The following MOSMO variants were observed in gnomAD, a reference collection of about 807,000 sequenced individuals.
MOSMO encodes the protein modulator of smoothened protein.
In MOSMO, 5 loss-of-function variants were observed where a neutral mutation model predicts 18.4. The observed-to-expected ratio is 0.27, with a 90% CI of 0.14 to 0.57. The LOEUF (loss-of-function observed/expected upper bound fraction) is 0.57, where lower values mean the gene tolerates loss of function less well. Ranked by LOEUF, MOSMO falls within the 20% of genes least tolerant of loss-of-function variation. MOSMO has a pLI of 0.92. For synonymous variants in MOSMO, 82 were observed against 82.3 expected (o/e 1.00, Z 0.02); for missense variants, 138 against 211.8 (o/e 0.65, Z 2.16).
intron 1 of MOSMO, among the ~76,000 whole-genome samples, chr16:22,048,755 C>CA (rs1296217628): frequency 4.6e-5 from 7 of 151,880 alleles, no homozygotes; most frequent in Non-Finnish European, 1.0e-4. Context: ...TTTTGTGGAT[C>CA]AGTTTTTTTC....
At chr16:22,019,021 T>C (rs1344929560) in intron 1 of MOSMO, among the ~76,000 whole-genome samples, 5 of 152,242 alleles carry the variant, frequency 3.3e-5, no homozygotes, top group African/African-American at 4.8e-5. Context: ...CATGTGTTAA[T>C]TGATCCCCAC....
intron 1 of MOSMO, among the ~76,000 whole-genome samples, chr16:22,036,689 C>T (rs983902203): frequency 6.6e-6 from 1 of 152,094 alleles, no homozygotes; most frequent in African/African-American, 2.4e-5. Context: ...TCAAGGTATT[C>T]CCCCACCCCC....
chr16:22,056,506 G>A (rs559391992), intron 1 of MOSMO, among the ~76,000 whole-genome samples: 1 of 150,066 alleles, frequency 6.7e-6, no homozygotes, highest in South Asian at 2.1e-4. Context: ...GAGTAGCTGG[G>A]ATTACAGGCA....
intron 1 of MOSMO, among the ~76,000 whole-genome samples, chr16:22,021,586 C>T (rs1899763501): frequency 6.6e-6 from 1 of 152,022 alleles, no homozygotes; most frequent in Non-Finnish European, 1.5e-5. Context: ...CGCTTGAGCT[C>T]AAGGAGTTCG....
intron 1 of MOSMO, among the ~76,000 whole-genome samples, chr16:22,014,667 C>T (rs1029263231): frequency 6.6e-6 from 1 of 152,142 alleles, no homozygotes; most frequent in Non-Finnish European, 1.5e-5. Context: ...ATGATTAAAT[C>T]ATTAGTCCTT....
chr16:22,022,059 T>C (rs1466298052), intron 1 of MOSMO, among the ~76,000 whole-genome samples: 1 of 152,188 alleles, frequency 6.6e-6, no homozygotes, highest in Admixed American at 6.5e-5. Flanking sequence ...TAATCTCTTA[T>C]CACATTTGAT....
intron 1 of MOSMO, among the ~76,000 whole-genome samples, chr16:22,061,108 T>G (rs1900636693): frequency 6.6e-6 from 1 of 152,188 alleles, no homozygotes; most frequent in Non-Finnish European, 1.5e-5. Flanking sequence ...AAAACTACAC[T>G]GTTAGAATGT....
intron 1 of MOSMO, among the ~76,000 whole-genome samples, chr16:22,070,982 C>T (rs954875725): frequency 6.6e-6 from 1 of 152,120 alleles, no homozygotes; most frequent in East Asian, 1.9e-4. Flanking sequence ...CATGAAACTC[C>T]GTAATTTCAG....
chr16:22,023,767 C>T (rs1477196053), intron 1 of MOSMO, among the ~76,000 whole-genome samples: 1 of 151,892 alleles, frequency 6.6e-6, no homozygotes, highest in Non-Finnish European at 1.5e-5. Flanking sequence ...GTGCTCAGCT[C>T]CTGTTTCTCT....
downstream of MOSMO, among the ~76,000 whole-genome samples, chr16:22,089,451 AG>A (rs1901250123): frequency 6.6e-6 from 1 of 152,174 alleles, no homozygotes; most frequent in Non-Finnish European, 1.5e-5. Context: ...TCAGGATTCC[AG>A]CACCCAGGGA....
intron 1 of MOSMO, among the ~76,000 whole-genome samples, chr16:22,074,518 G>A (rs1900925212): frequency 6.6e-6 from 1 of 152,144 alleles, no homozygotes; most frequent in East Asian, 1.9e-4. Flanking sequence ...ATTTGCCATT[G>A]CTCTTGGAAG....
At chr16:22,008,831 G>A (rs1434003917) in intron 1 of MOSMO, among the ~76,000 whole-genome samples, 2 of 152,182 alleles carry the variant, frequency 1.3e-5, no homozygotes, top group African/African-American at 4.8e-5. Flanking sequence ...GGAGAGGCTA[G>A]GGCTGAGAGT....
chr16:22,072,894 T>C (rs1356711778), intron 1 of MOSMO, among the ~76,000 whole-genome samples: 1 of 152,128 alleles, frequency 6.6e-6, no homozygotes, highest in South Asian at 2.1e-4. Context: ...TCTTCTAGAA[T>C]AGAGCTGCTA....
At chr16:22,038,095 A>G (rs988496257) in intron 1 of MOSMO, among the ~76,000 whole-genome samples, 2 of 152,242 alleles carry the variant, frequency 1.3e-5, no homozygotes, top group African/African-American at 2.4e-5. Context: ...CTCATTAGCT[A>G]CAAAAGAAAC....
intron 1 of MOSMO, among the ~76,000 whole-genome samples, chr16:22,022,270 G>C (rs746044442): frequency 6.7e-6 from 1 of 150,298 alleles, no homozygotes; most frequent in Non-Finnish European, 1.5e-5. Flanking sequence ...CAGTTCTCCC[G>C]CCCTGACCTC....
At chr16:22,042,593 T>A (rs1646860790) in intron 1 of MOSMO, among the ~76,000 whole-genome samples, 1 of 152,206 alleles carries the variant, frequency 6.6e-6, no homozygotes, top group African/African-American at 2.4e-5. Flanking sequence ...ATGCTTGCCA[T>A]CATTTCACCA....
intron 2 of MOSMO, among the ~76,000 whole-genome samples, chr16:22,077,143 G>C (rs1024522109): frequency 6.6e-6 from 1 of 152,130 alleles, no homozygotes; most frequent in African/African-American, 2.4e-5. Context: ...TATCAAAGAA[G>C]GATTTAGTTT....
chr16:22,074,019 T>C (rs745548565), intron 1 of MOSMO, among the ~76,000 whole-genome samples: 28 of 152,190 alleles, frequency 1.8e-4, no homozygotes, highest in Non-Finnish European at 2.6e-4. Flanking sequence ...TTCATTTTAT[T>C]TCAACAAGTT....
chr16:22,011,660 G>A lies in MOSMO; in HGVS notation c.106+3253G>A, dbSNP rs368178564. Reference sequence around the variant, plus strand: ...GACAATGTGTGGCTGATGTGGGATCGAGGAAGTGATTGTTTTTTTTCTAAA... The same window carrying A: ...GACAATGTGTGGCTGATGTGGGATCAAGGAAGTGATTGTTTTTTTTCTAAA... On this transcript the variant is annotated intron_variant, in intron 1 of 2. Coordinates refer to ENST00000542527, the MANE Select transcript of MOSMO (RefSeq NM_001164579.2). 9.9e-5 allele frequency among the ~76,000 whole-genome samples: 15 copies of A among 152,042 alleles called. No individual in the cohort carries two copies. The East Asian group carries it at 1.5e-3, about 16-fold the overall frequency.
Sources: allele counts gnomAD v4.1 joint callset (sites outside exome capture counted in the v4.1 genomes callset), GRCh38; gene constraint gnomAD v4.1.1; transcripts MANE v1.5; gene names NCBI Gene and HGNC (gene_info 2026-07-23, HGNC 2026-07-21).